UTRN: variants seen among roughly 807,000 people sequenced by gnomAD.
The protein encoded by UTRN is dystrophin-related protein 1.
A neutral mutation model predicts 463.9 loss-of-function variants in UTRN; 283 were observed. That is an observed-to-expected ratio of 0.61 (90% confidence interval 0.55 to 0.67). The LOEUF is 0.67. Ranked by LOEUF, UTRN falls within the 30% of genes least tolerant of loss-of-function variation. The probability of loss-of-function intolerance (pLI) is 0.00; values close to 1 mark genes in which losing one functional copy is unlikely to be tolerated. For synonymous variants in UTRN, 1,442 were observed against 1,431.5 expected (o/e 1.01, Z -0.17); for missense variants, 3,922 against 4,084.3 (o/e 0.96, Z 1.08).
intron 2 of UTRN, among the ~76,000 whole-genome samples, chr6:144,339,184 A>G (rs527819204): frequency 6.6e-6 from 1 of 152,306 alleles, no homozygotes; most frequent in South Asian, 2.1e-4. Context: ...ACTGACTGAT[A>G]AGAAATGGAG....
chr6:144,684,553 A>G (rs1352980644), intron 52 of UTRN, among the ~76,000 whole-genome samples: 1 of 152,122 alleles, frequency 6.6e-6, no homozygotes, highest in Non-Finnish European at 1.5e-5. Flanking sequence ...GAGATAATCA[A>G]TTTCCAGGAG....
intron 57 of UTRN, among the ~76,000 whole-genome samples, chr6:144,756,076 G>A (rs975328895): frequency 1.3e-5 from 2 of 151,926 alleles, no homozygotes; most frequent in African/African-American, 4.8e-5. Flanking sequence ...AATATACTGT[G>A]TACCTAGATG....
intron 51 of UTRN, among the ~76,000 whole-genome samples, chr6:144,674,205 G>A (rs1781354635): frequency 7.0e-6 from 1 of 142,734 alleles, no homozygotes; most frequent in Non-Finnish European, 1.5e-5. Context: ...GCAAAACCAT[G>A]GAAGTTTTCA....
At position 144,315,994 on chromosome 6, in the gene UTRN, G is replaced by A. The variant is rs143965435; in HGVS notation, c.79+24087G>A. ...TTCAAAATGGAAGAGGCAGCTAGAG[G>A]ATTTCAGGATACATTTCCCTCAGTT... On this transcript the variant is annotated intron_variant, in intron 2 of 74. Coordinates refer to ENST00000367545, the MANE Select transcript of UTRN (RefSeq NM_007124.3). Among the ~76,000 whole-genome samples, 4 of 152,238 alleles carry A rather than the reference G, an allele frequency of 2.6e-5. No individual in the cohort carries two copies. In the East Asian group the frequency reaches 5.8e-4, roughly 22 times the overall value.
chr6:144,630,410 G>A (rs555836196), intron 51 of UTRN, among the ~76,000 whole-genome samples: 1 of 152,290 alleles, frequency 6.6e-6, no homozygotes, highest in South Asian at 2.1e-4. Context: ...CCACATGGCT[G>A]GGGAGGCCTC....
At chr6:144,635,644 A>G (rs1337459596) in intron 51 of UTRN, among the ~76,000 whole-genome samples, 3 of 144,070 alleles carry the variant, frequency 2.1e-5, no homozygotes, top group African/African-American at 7.8e-5. Flanking sequence ...GGTTCATGAG[A>G]TCCTCCCACC....
chr6:144,707,184 G>T (rs1480815296), intron 53 of UTRN: 2 of 152,014 alleles, frequency 1.3e-5, no homozygotes, highest in African/African-American at 4.8e-5. Flanking sequence ...ATTTTGTTGG[G>T]TAGGCTGATT....
At chr6:144,293,656 C>A (rs751556242) in intron 2 of UTRN, among the ~76,000 whole-genome samples, 1 of 152,054 alleles carries the variant, frequency 6.6e-6, no homozygotes, top group Non-Finnish European at 1.5e-5. Context: ...TTGGTTAGAT[C>A]ATTATTTCCC....
intron 58 of UTRN, among the ~76,000 whole-genome samples, chr6:144,760,637 A>G (rs1792552446): frequency 6.6e-6 from 1 of 152,192 alleles, no homozygotes; most frequent in African/African-American, 2.4e-5. Context: ...AATTGTTATG[A>G]AAACAAAATT....
chr6:144,508,582 A>C (rs1794900885), intron 34 of UTRN, among the ~76,000 whole-genome samples: 1 of 152,124 alleles, frequency 6.6e-6, no homozygotes, highest in Non-Finnish European at 1.5e-5. Context: ...AGTTCCAGTG[A>C]GATGAACCAA....
rs780414589 is a variant in UTRN at position 144,391,651 on chromosome 6, G to GT, written c.80-11464dup. ...TAAGCTGCAGCTCTGTGTCATTTTT[G>GT]TTTTTTTTGAGACAGAGTCTCTCTC... is the stretch of plus-strand genomic sequence containing the variant. On this transcript the variant is annotated intron_variant, in intron 2 of 74. Transcript: ENST00000367545. 5.5e-4 allele frequency among the ~76,000 whole-genome samples: 84 copies of GT among 151,794 alleles called. 1 individual carries two copies. The highest frequency in any genetic ancestry group is 9.1e-4 in the Non-Finnish European group (62 of 67,848).
intron 54 of UTRN, among the ~76,000 whole-genome samples, chr6:144,732,249 TATATATATACAC>T (rs1177835208): frequency 9.2e-4 from 107 of 116,636 alleles, no homozygotes; most frequent in East Asian, 6.0e-3. Context: ...CATATATATA[TATATATATACAC>T]ACATATATAT....
intron 3 of UTRN, among the ~76,000 whole-genome samples, chr6:144,416,555 A>G (rs998224877): frequency 6.6e-6 from 1 of 152,112 alleles, no homozygotes; most frequent in African/African-American, 2.4e-5. Flanking sequence ...GTGCTCTAAC[A>G]TTTTAAAATC....
At chr6:144,812,598 C>G (rs1458309614) in intron 65 of UTRN, among the ~76,000 whole-genome samples, 3 of 152,108 alleles carry the variant, frequency 2.0e-5, no homozygotes, top group Non-Finnish European at 2.9e-5. Flanking sequence ...TAGAGTAACT[C>G]TAAATTATGT....
intron 51 of UTRN, among the ~76,000 whole-genome samples, chr6:144,626,763 C>T (rs1364470266): frequency 1.3e-5 from 2 of 152,184 alleles, no homozygotes; most frequent in African/African-American, 4.8e-5. Flanking sequence ...TCTCAGCCTC[C>T]CGAGTAGCTG....
At chr6:144,534,195 T>A (rs1169864104) in intron 43 of UTRN, among the ~76,000 whole-genome samples, 1 of 152,180 alleles carries the variant, frequency 6.6e-6, no homozygotes, top group Admixed American at 6.5e-5. Flanking sequence ...AAGAGACAAA[T>A]AATAATTAGT....
intron 2 of UTRN, among the ~76,000 whole-genome samples, chr6:144,358,976 T>A (rs898683368): frequency 6.6e-6 from 1 of 152,218 alleles, no homozygotes; most frequent in African/African-American, 2.4e-5. Flanking sequence ...TTCATAAGCA[T>A]TTTCCATTTT....
chr6:144,353,782 G>A (rs1778320050), intron 2 of UTRN, among the ~76,000 whole-genome samples: 2 of 152,176 alleles, frequency 1.3e-5, no homozygotes, highest in African/African-American at 2.4e-5. Flanking sequence ...GGGAGTCGGA[G>A]GTTGCAATGA....
intron 2 of UTRN, among the ~76,000 whole-genome samples, chr6:144,317,408 T>C (rs573771306): frequency 3.9e-5 from 6 of 152,332 alleles, no homozygotes; most frequent in African/African-American, 1.4e-4. Flanking sequence ...ATATTTATTT[T>C]AGTTTATTTT....
Sources: gnomAD v4.1 joint callset for allele counts (sites outside exome capture counted in the v4.1 genomes callset) on GRCh38, gnomAD v4.1.1 for gene constraint, MANE v1.5 for transcripts, NCBI Gene and HGNC (gene_info 2026-07-23, HGNC 2026-07-21) for gene names.